Variants in GNAQ observed in about 807,000 individuals in gnomAD.
GNAQ encodes the protein G protein subunit alpha q.
In GNAQ, 8 loss-of-function variants were observed where a neutral mutation model predicts 43.9. The observed-to-expected ratio is 0.18, with a 90% CI of 0.11 to 0.33. GNAQ has a LOEUF of 0.33. GNAQ is among the 10% of genes least tolerant of loss of function. The probability of loss-of-function intolerance (pLI) is 1.00; values close to 1 mark genes in which losing one functional copy is unlikely to be tolerated. For missense variants in GNAQ, 158 were observed against 450.8 expected, an observed-to-expected ratio of 0.35 and a Z score of 5.88; for synonymous variants, 155 against 170.7, an observed-to-expected ratio of 0.91 and a Z score of 0.71.
At chr9:77,914,036 C>T (rs971529147) in intron 2 of GNAQ, among the ~76,000 whole-genome samples, 3 of 152,056 alleles carry the variant, frequency 2.0e-5, no homozygotes, top group African/African-American at 4.8e-5. Context: ...CTTGGGATTA[C>T]GAATTAACTT....
At chr9:77,939,320 G>A (rs1193677036) in intron 1 of GNAQ, among the ~76,000 whole-genome samples, 1 of 152,242 alleles carries the variant, frequency 6.6e-6, no homozygotes, top group African/African-American at 2.4e-5. Flanking sequence ...GGCTACGCAT[G>A]AGTCATGTGC....
intron 1 of GNAQ, among the ~76,000 whole-genome samples, chr9:78,009,113 T>C (rs1823743245): frequency 6.6e-6 from 1 of 152,188 alleles, no homozygotes; most frequent in Non-Finnish European, 1.5e-5. Flanking sequence ...CCAAATGAAG[T>C]TTGCTTTTCC....
intron 1 of GNAQ, among the ~76,000 whole-genome samples, chr9:78,006,814 G>A (rs557099941): frequency 6.6e-6 from 1 of 152,250 alleles, no homozygotes; most frequent in African/African-American, 2.4e-5. Context: ...TCAGAGATAT[G>A]GCCTTGGCTT....
chr9:77,881,100 T>C (rs953043593), intron 2 of GNAQ, among the ~76,000 whole-genome samples: 1 of 152,194 alleles, frequency 6.6e-6, no homozygotes, highest in African/African-American at 2.4e-5. Context: ...CTTCATTCTG[T>C]ATATGTCCCA....
At chr9:77,885,270 A>C (rs2118082821) in intron 2 of GNAQ, among the ~76,000 whole-genome samples, 2 of 152,280 alleles carry the variant, frequency 1.3e-5, no homozygotes, top group Admixed American at 1.3e-4. Flanking sequence ...TCAGGAAGTC[A>C]GCAAGCTCAA....
chr9:77,775,407 CTCTTT>C (rs1826291514), intron 5 of GNAQ, among the ~76,000 whole-genome samples: 1 of 141,548 alleles, frequency 7.1e-6, no homozygotes, highest in South Asian at 2.4e-4. Flanking sequence ...CTCCTCATCT[CTCTTT>C]TTTTTTTTTT....
At chr9:77,979,890 GACAA>G (rs1022741067) in intron 1 of GNAQ, among the ~76,000 whole-genome samples, 3 of 152,040 alleles carry the variant, frequency 2.0e-5, no homozygotes, top group Admixed American at 2.0e-4. Context: ...AACAACGTAA[GACAA>G]ACAATAAAAA....
At chr9:77,910,107 G>A (rs906712653) in intron 2 of GNAQ, among the ~76,000 whole-genome samples, 1 of 152,110 alleles carries the variant, frequency 6.6e-6, no homozygotes, top group Non-Finnish European at 1.5e-5. Context: ...CAAGTTTTTA[G>A]GTTTTGATAC....
chr9:78,019,796 C>T (rs983773374), intron 1 of GNAQ, among the ~76,000 whole-genome samples: 2 of 151,722 alleles, frequency 1.3e-5, no homozygotes, highest in African/African-American at 4.8e-5. Flanking sequence ...TGGTGGCAGG[C>T]GCCTGTAATC....
chr9:77,840,766 T>C (rs981568778), intron 2 of GNAQ, among the ~76,000 whole-genome samples: 3 of 152,258 alleles, frequency 2.0e-5, no homozygotes, highest in Non-Finnish European at 4.4e-5. Flanking sequence ...GTCTAGATCA[T>C]GACAATGTGT....
intron 2 of GNAQ, among the ~76,000 whole-genome samples, chr9:77,826,745 T>C (rs1323130118): frequency 1.3e-5 from 2 of 152,218 alleles, no homozygotes; most frequent in East Asian, 3.8e-4. Context: ...CACAGCACCG[T>C]TATAAAGTTT....
At position 78,002,010 on chromosome 9, in the gene GNAQ, G is replaced by T. The variant is rs185098180; in HGVS notation, c.136+29090C>A. The stretch of plus-strand genomic sequence containing the variant: ...TGAAAGGGCATCATAAAGTAAAAAG[G>T]TTGTAAATTTATCCAGAAGATAAAG... On this transcript the variant is annotated intron_variant, in intron 1 of 6. Transcript: ENST00000286548. Among the ~76,000 whole-genome samples the T allele has an allele frequency of 4.7e-3, 723 of 152,264 alleles. 5 individuals are homozygous for T. The highest frequency in any genetic ancestry group is 7.6e-3 in the Non-Finnish European group (518 of 68,020).
At chr9:78,012,980 T>C (rs1277461255) in intron 1 of GNAQ, among the ~76,000 whole-genome samples, 2 of 152,202 alleles carry the variant, frequency 1.3e-5, no homozygotes, top group African/African-American at 4.8e-5. Context: ...AACTTGATGC[T>C]AGCAGAGATG....
chr9:77,802,433 TAATAA>T (rs1826759625), intron 3 of GNAQ, among the ~76,000 whole-genome samples: 1 of 152,004 alleles, frequency 6.6e-6, no homozygotes, highest in African/African-American at 2.4e-5. Flanking sequence ...TGAGAAAAGG[TAATAA>T]AATAATCTCT....
intron 5 of GNAQ, among the ~76,000 whole-genome samples, chr9:77,756,320 T>C (rs1002403291): frequency 6.6e-6 from 1 of 152,226 alleles, no homozygotes; most frequent in African/African-American, 2.4e-5. Context: ...CCACGTGGTA[T>C]GGTTGTGGAT....
chr9:77,719,976 A>T lies in GNAQ; in HGVS notation c.*1347T>A, dbSNP rs922593813. The stretch of plus-strand genomic sequence containing the variant: ...AGGTGTCGGAATAATACTACCAACC[A>T]ATGTTCCTGGCAGACTTCATTGAAC... On this transcript the variant is annotated 3_prime_UTR_variant, in exon 7 of 7. Coordinates refer to ENST00000286548, the MANE Select transcript of GNAQ (RefSeq NM_002072.5). The T allele has an allele frequency of 3.0e-5, 7 of 232,640 alleles. 1 individual carries two copies. Among genetic ancestry groups the T allele is most frequent in the African/African-American group, 1.1e-4 (5 of 45,436 alleles). 14.4% of individuals were successfully genotyped at this position (232,640 alleles called of 1,614,324 possible).
chr9:77,873,215 C>G (rs1446285469), intron 2 of GNAQ, among the ~76,000 whole-genome samples: 1 of 152,166 alleles, frequency 6.6e-6, no homozygotes, highest in Admixed American at 6.5e-5. Context: ...AATGAAATAT[C>G]TTTATCTGTT....
chr9:78,008,173 A>T (rs969498561), intron 1 of GNAQ, among the ~76,000 whole-genome samples: 1 of 152,188 alleles, frequency 6.6e-6, no homozygotes, highest in Non-Finnish European at 1.5e-5. Context: ...TGAAAGACCC[A>T]TGTACCTCTA....
At position 77,864,226 on chromosome 9, in the gene GNAQ, C is replaced by CA. The variant is rs1282060129; in HGVS notation, c.322-48457dup. 1.1e-4 allele frequency among the ~76,000 whole-genome samples: 17 copies of CA among 150,082 alleles called. No individual in the cohort carries two copies. In the East Asian group the frequency reaches 3.3e-3, roughly 29 times the overall value. On this transcript the variant is annotated intron_variant, in intron 2 of 6. Coordinates refer to ENST00000286548, the MANE Select transcript of GNAQ (RefSeq NM_002072.5). ...CTCAGGGACTAACAGAGCGCGAATG[C>CA]ACTCATTACTGGAGGAGGAAACCAA...
Sources: gnomAD v4.1 joint callset for allele counts (sites outside exome capture counted in the v4.1 genomes callset) on GRCh38, gnomAD v4.1.1 for gene constraint, MANE v1.5 for transcripts, NCBI Gene and HGNC (gene_info 2026-07-23, HGNC 2026-07-21) for gene names.